CNTN4: variants seen among roughly 807,000 people sequenced by gnomAD.
CNTN4 encodes the protein contactin-4.
CNTN4 carries 77 observed loss-of-function variants against 122.5 expected under a neutral mutation model. The observed-to-expected ratio is 0.63, with a 90% confidence interval of 0.52 to 0.76. The LOEUF (loss-of-function observed/expected upper bound fraction) is 0.76, where lower values mean the gene tolerates loss of function less well. Ranked by LOEUF, CNTN4 falls within the 30% of genes least tolerant of loss-of-function variation. The pLI is 0.00. For synonymous variants in CNTN4, 512 were observed against 447.0 expected (o/e 1.15, Z -1.83); for missense variants, 1,256 against 1,259.1 (o/e 1.00, Z 0.04).
At chr3:2,734,354 G>A (rs1296245540) in intron 4 of CNTN4, among the ~76,000 whole-genome samples, 10 of 152,156 alleles carry the variant, frequency 6.6e-5, no homozygotes, top group African/African-American at 2.4e-4. Context: ...GAGCCACGAT[G>A]CCCAGCCTGT....
intron 2 of CNTN4, among the ~76,000 whole-genome samples, chr3:2,278,927 A>T (rs1054172398): frequency 1.4e-4 from 22 of 152,048 alleles, no homozygotes; most frequent in Admixed American, 3.9e-4. Context: ...CCACACTGTT[A>T]CTAAGTTAGG....
chr3:2,654,086 C>T (rs2083475300), intron 4 of CNTN4, among the ~76,000 whole-genome samples: 1 of 152,194 alleles, frequency 6.6e-6, no homozygotes, highest in Admixed American at 6.5e-5. Flanking sequence ...TTACCCAATT[C>T]CATGCTTTGC....
intron 3 of CNTN4, among the ~76,000 whole-genome samples, chr3:2,563,999 A>G (rs2079057483): frequency 6.6e-6 from 1 of 152,192 alleles, no homozygotes; most frequent in African/African-American, 2.4e-5. Flanking sequence ...AGTTTAGACA[A>G]CAGTGAAGCA....
chr3:2,183,872 A>C (rs2037132026), intron 2 of CNTN4, among the ~76,000 whole-genome samples: 1 of 152,238 alleles, frequency 6.6e-6, no homozygotes, highest in South Asian at 2.1e-4. Flanking sequence ...TATTAGAAGA[A>C]ACAAATACGT....
intron 7 of CNTN4, among the ~76,000 whole-genome samples, chr3:2,838,398 T>C (rs2093277678): frequency 6.6e-6 from 1 of 152,148 alleles, no homozygotes; most frequent in African/African-American, 2.4e-5. Flanking sequence ...ACATATAGTC[T>C]ACCACATTCC....
At chr3:2,719,304 T>TTG (rs1302497345) in intron 4 of CNTN4, among the ~76,000 whole-genome samples, 45 of 152,044 alleles carry the variant, frequency 3.0e-4, no homozygotes, top group African/African-American at 1.1e-3. Context: ...TTCACTTTTT[T>TTG]TTTTTTTTTT....
At chr3:2,861,950 T>G (rs1417579438) in intron 7 of CNTN4, among the ~76,000 whole-genome samples, 1 of 152,226 alleles carries the variant, frequency 6.6e-6, no homozygotes, top group African/African-American at 2.4e-5. Flanking sequence ...AATACATTTT[T>G]AAAGGAACAT....
chr3:2,729,524 A>G (rs7612978), intron 4 of CNTN4, among the ~76,000 whole-genome samples: 96,310 of 135,706 alleles, frequency 0.71, 35,498 homozygotes, highest in Non-Finnish European at 0.79. Flanking sequence ...AGCCTGGGCA[A>G]CAGAGTGAGA....
At chr3:2,620,240 C>T (rs568468519) in intron 4 of CNTN4, among the ~76,000 whole-genome samples, 6 of 152,276 alleles carry the variant, frequency 3.9e-5, no homozygotes, top group African/African-American at 1.4e-4. Flanking sequence ...GGGCTCACAC[C>T]TGTAATCTCA....
At chr3:2,296,416 G>T (rs890179515) in intron 2 of CNTN4, among the ~76,000 whole-genome samples, 9 of 152,022 alleles carry the variant, frequency 5.9e-5, no homozygotes, top group African/African-American at 1.9e-4. Flanking sequence ...TGGATTCCTA[G>T]GTATTTTATT....
At chr3:2,712,475 A>C (rs2087209964) in intron 4 of CNTN4, among the ~76,000 whole-genome samples, 1 of 152,166 alleles carries the variant, frequency 6.6e-6, no homozygotes, top group African/African-American at 2.4e-5. Context: ...GTAACAGAAA[A>C]CCAGATTAAC....
At chr3:2,160,065 C>G (rs1287032403) in intron 2 of CNTN4, among the ~76,000 whole-genome samples, 1 of 151,988 alleles carries the variant, frequency 6.6e-6, no homozygotes, top group Non-Finnish European at 1.5e-5. Flanking sequence ...AGATAATAGT[C>G]TAGTTAAATG....
At chr3:2,619,043 G>T (rs2081891588) in intron 4 of CNTN4, among the ~76,000 whole-genome samples, 1 of 152,140 alleles carries the variant, frequency 6.6e-6, no homozygotes, top group Admixed American at 6.5e-5. Context: ...ATAATAATGA[G>T]ACAGTAGCAC....
chr3:2,572,556 T>C (rs1026628335), intron 4 of CNTN4, among the ~76,000 whole-genome samples: 5 of 152,194 alleles, frequency 3.3e-5, no homozygotes, highest in African/African-American at 4.8e-5. Flanking sequence ...CTGTGTATCA[T>C]TCCACGCCCC....
chr3:2,988,612 A>G (rs1242286668), intron 14 of CNTN4, 140 bp downstream of exon 14: 13 of 848,472 alleles, frequency 1.5e-5, no homozygotes, highest in Non-Finnish European at 2.5e-5. Context: ...GGCAAACATG[A>G]TATGATTAAT....
At chr3:2,642,323 T>A (rs1254829523) in intron 4 of CNTN4, among the ~76,000 whole-genome samples, 1 of 152,176 alleles carries the variant, frequency 6.6e-6, no homozygotes, top group Admixed American at 6.5e-5. Flanking sequence ...TGGCAGCTGA[T>A]TAGATGGTGC....
intron 6 of CNTN4, among the ~76,000 whole-genome samples, chr3:2,802,450 G>A (rs1358721289): frequency 6.6e-6 from 1 of 152,148 alleles, no homozygotes; most frequent in Admixed American, 6.5e-5. Flanking sequence ...AATAGCCCAA[G>A]GGAATAGCAC....
At chr3:2,199,394 C>G (rs1483870901) in intron 2 of CNTN4, among the ~76,000 whole-genome samples, 1 of 151,862 alleles carries the variant, frequency 6.6e-6, no homozygotes, top group Admixed American at 6.6e-5. Context: ...CTGCAGAGAT[C>G]CCTCCGTACC....
At chr3:2,629,168 T>C (rs1287136534) in intron 4 of CNTN4, among the ~76,000 whole-genome samples, 1 of 152,052 alleles carries the variant, frequency 6.6e-6, no homozygotes, top group African/African-American at 2.4e-5. Flanking sequence ...ATTGCCGTCT[T>C]TATAATAAGG....
Sources: allele counts gnomAD v4.1 joint callset (sites outside exome capture counted in the v4.1 genomes callset), GRCh38; gene constraint gnomAD v4.1.1; transcripts MANE v1.5; gene names NCBI Gene and HGNC (gene_info 2026-07-23, HGNC 2026-07-21).